The following TMEM132C variants were observed in gnomAD, a reference collection of about 807,000 sequenced individuals.
The protein encoded by TMEM132C is protein phosphatase 1, regulatory subunit 152.
Under a neutral mutation model 61.4 loss-of-function variants are expected in TMEM132C, and 29 were observed. The observed-to-expected ratio is 0.47, with a 90% CI of 0.35 to 0.64. The LOEUF is 0.64. Ranked by LOEUF, TMEM132C falls within the 30% of genes least tolerant of loss-of-function variation. The pLI is 0.00. For missense variants in TMEM132C, 1,408 were observed against 1,476.9 expected (o/e 0.95, Z 0.76); for synonymous variants, 656 against 633.1 (o/e 1.04, Z -0.54).
chr12:128,314,210 G>C (rs1872072443), intron 1 of TMEM132C, among the ~76,000 whole-genome samples: 1 of 152,186 alleles, frequency 6.6e-6, no homozygotes, highest in Non-Finnish European at 1.5e-5. Flanking sequence ...AATATCCCTG[G>C]AGTGAGAAAA....
chr12:128,550,149 A>C (rs1186389221), intron 3 of TMEM132C, among the ~76,000 whole-genome samples: 1 of 152,174 alleles, frequency 6.6e-6, no homozygotes, highest in Non-Finnish European at 1.5e-5. Context: ...TTTTCTCACC[A>C]TCTGAATTCT....
intron 1 of TMEM132C, among the ~76,000 whole-genome samples, chr12:128,343,584 T>A (rs924885969): frequency 6.6e-6 from 1 of 152,234 alleles, no homozygotes. Flanking sequence ...AATCATTTTT[T>A]TCTTTAATAA....
At chr12:128,386,899 C>T (rs1043468972) in intron 1 of TMEM132C, among the ~76,000 whole-genome samples, 8 of 151,990 alleles carry the variant, frequency 5.3e-5, no homozygotes, top group African/African-American at 7.3e-5. Flanking sequence ...GAGGCTGAGG[C>T]GGGAGAATCC....
chr12:128,700,397 A>G (rs773480972), intron 8 of TMEM132C, among the ~76,000 whole-genome samples: 2 of 152,252 alleles, frequency 1.3e-5, no homozygotes, highest in Non-Finnish European at 2.9e-5. Context: ...TCAATCATGC[A>G]GCAGGGCTGA....
chr12:128,653,797 G>A (rs1488207970), intron 4 of TMEM132C, among the ~76,000 whole-genome samples: 1 of 152,144 alleles, frequency 6.6e-6, no homozygotes, highest in African/African-American at 2.4e-5. Context: ...TGTTAGGGTT[G>A]GTATTTTTAC....
chr12:128,672,269 T>A (rs1406162447), intron 5 of TMEM132C, among the ~76,000 whole-genome samples: 1 of 152,152 alleles, frequency 6.6e-6, no homozygotes, highest in East Asian at 1.9e-4. Context: ...CAGGTCCTTG[T>A]TGGTCACTGG....
chr12:128,542,886 G>A (rs929492861), intron 2 of TMEM132C, among the ~76,000 whole-genome samples: 1 of 147,822 alleles, frequency 6.8e-6, no homozygotes, highest in South Asian at 2.1e-4. Context: ...AAAAAAATGT[G>A]CTGGGATTAT....
At chr12:128,644,781 A>T (rs1593131558) in intron 4 of TMEM132C, among the ~76,000 whole-genome samples, 1 of 152,200 alleles carries the variant, frequency 6.6e-6, no homozygotes, top group African/African-American at 2.4e-5. Flanking sequence ...GGTGTTGACA[A>T]TATGAGAGGA....
chr12:128,635,172 T>G (rs1954093232), intron 4 of TMEM132C, among the ~76,000 whole-genome samples: 1 of 152,258 alleles, frequency 6.6e-6, no homozygotes, highest in East Asian at 1.9e-4. Context: ...GCTTTCATAA[T>G]GTTAAGAGAT....
chr12:128,672,910 G>C (rs1228498271), intron 5 of TMEM132C, among the ~76,000 whole-genome samples: 1 of 152,164 alleles, frequency 6.6e-6, no homozygotes, highest in Non-Finnish European at 1.5e-5. Flanking sequence ...AAATCAAACT[G>C]TCACAGTTTT....
intron 2 of TMEM132C, among the ~76,000 whole-genome samples, chr12:128,523,411 T>C (rs1253833054): frequency 6.6e-6 from 1 of 152,232 alleles, no homozygotes; most frequent in Non-Finnish European, 1.5e-5. Context: ...CTTAAGATGC[T>C]ACATTTTATG....
intron 2 of TMEM132C, among the ~76,000 whole-genome samples, chr12:128,448,808 TAA>T (rs1870079763): frequency 6.6e-6 from 1 of 152,208 alleles, no homozygotes; most frequent in South Asian, 2.1e-4. Context: ...CAATTCGTAT[TAA>T]CTTTGCTTAG....
intron 2 of TMEM132C, among the ~76,000 whole-genome samples, chr12:128,495,995 G>A (rs1871941925): frequency 6.6e-6 from 1 of 152,088 alleles, no homozygotes; most frequent in Non-Finnish European, 1.5e-5. Context: ...CATGTTTAGT[G>A]CTTCCTTCAG....
chr12:128,564,479 A>AG (rs1475286422), intron 3 of TMEM132C, among the ~76,000 whole-genome samples: 1 of 152,188 alleles, frequency 6.6e-6, no homozygotes, highest in African/African-American at 2.4e-5. Context: ...ACTGTCCAGC[A>AG]GTGCTTTATG....
At chr12:128,347,218 A>C (rs1683735) in intron 1 of TMEM132C, among the ~76,000 whole-genome samples, 131,379 of 152,104 alleles carry the variant, frequency 0.86, 58,056 homozygotes, top group East Asian at 1. Context: ...AGAATAATGG[A>C]CTCCAACTCC....
At position 128,278,746 on chromosome 12, in the gene TMEM132C, GTGTA is replaced by G. The variant is rs200140409; in HGVS notation, c.85+11263_85+11266del. Among the ~76,000 whole-genome samples, 3,499 of 92,464 alleles carry G rather than the reference GTGTA, an allele frequency of 0.038. 62 individuals carry two copies. The highest frequency in any genetic ancestry group is 0.069 in the Middle Eastern group (9 of 130). 60.7% of individuals were successfully genotyped at this position (92,464 alleles called of 152,430 possible). A position where few individuals can be genotyped will look rare whatever the true frequency, so the allele number is the denominator to read the frequency against. On this transcript the variant is annotated intron_variant, in intron 1 of 8. Coordinates refer to ENST00000435159, the MANE Select transcript of TMEM132C (RefSeq NM_001136103.3). The surrounding 1 kb of genome is among the most constrained non-coding windows in gnomAD (Gnocchi z 4.2). The stretch of plus-strand genomic sequence containing the variant: ...TATTTGTGCAGACTTGATTCTATAC[GTGTA>G]TGTGTGTGTGTGTGTGTGTGTGTGT...
At chr12:128,419,232 T>A in intron 2 of TMEM132C, among the ~76,000 whole-genome samples, 1 of 152,162 alleles carries the variant, frequency 6.6e-6, no homozygotes, top group East Asian at 1.9e-4. Flanking sequence ...AACCAATAGG[T>A]ATTTGGGCAC....
intron 1 of TMEM132C, among the ~76,000 whole-genome samples, chr12:128,414,433 A>T (rs1868682392): frequency 6.6e-6 from 1 of 152,162 alleles, no homozygotes; most frequent in Admixed American, 6.5e-5. Flanking sequence ...TTACTCCTAT[A>T]GGTAATTTAC....
intron 1 of TMEM132C, among the ~76,000 whole-genome samples, chr12:128,280,618 A>C (rs534809312): frequency 6.6e-6 from 1 of 152,356 alleles, no homozygotes; most frequent in East Asian, 1.9e-4. Context: ...TATTATAATG[A>C]GGCATCAGAT....
Sources: gnomAD v4.1 joint callset for allele counts (sites outside exome capture counted in the v4.1 genomes callset) on GRCh38, gnomAD v4.1.1 for gene constraint, Gnocchi (gnomAD v3.1) non-coding constraint, MANE v1.5 for transcripts, NCBI Gene and HGNC (gene_info 2026-07-23, HGNC 2026-07-21) for gene names.